The following SLC25A44 variants were observed in gnomAD, a reference collection of about 807,000 sequenced individuals.
SLC25A44 encodes solute carrier family 25 member 44, also known as solute carrier family 25, member 44.
In SLC25A44, 17 loss-of-function variants were observed where a neutral mutation model predicts 29.9. The observed-to-expected ratio is 0.57, with a 90% CI of 0.39 to 0.85. The LOEUF (loss-of-function observed/expected upper bound fraction) is 0.85, where lower values mean the gene tolerates loss of function less well. SLC25A44 is among the 40% of genes least tolerant of loss of function. The pLI is 0.00. For synonymous variants in SLC25A44, 140 were observed against 151.8 expected (o/e 0.92, Z 0.57); for missense variants, 302 against 398.4 (o/e 0.76, Z 2.06).
chr1:156,212,655 G>A lies in SLC25A44; in HGVS notation c.*2224G>A, dbSNP rs929702851. ...CTGGGAGACTGGAAACCTGATTGGA[G>A]CACTGAGGAACAAGGGAATGAAAAG... On this transcript the variant is annotated 3_prime_UTR_variant, in exon 4 of 4. Coordinates refer to ENST00000359511, the MANE Select transcript of SLC25A44 (RefSeq NM_014655.4). 1 of 190,214 alleles carries A rather than the reference G, an allele frequency of 5.3e-6. No homozygotes were observed. Among genetic ancestry groups the A allele is most frequent in the Non-Finnish European group, 1.1e-5 (1 of 88,666 alleles). The allele number at this position is 190,214 out of a possible 1,614,324, so 11.8% of individuals were successfully genotyped here. A position where few individuals can be genotyped will look rare whatever the true frequency, so the allele number is the denominator to read the frequency against.
Position 156,210,719 on chromosome 1 carries a change from T to G in SLC25A44, c.*288T>G. 6.2e-6 allele frequency: 1 copy of G among 160,906 alleles called. No homozygotes were observed. Among genetic ancestry groups the G allele is most frequent in the African/African-American group, 3.1e-5 (1 of 32,524 alleles). The allele number at this position is 160,906 out of a possible 1,614,324, so 10.0% of individuals were successfully genotyped here. On this transcript the variant is annotated 3_prime_UTR_variant, in exon 4 of 4. Coordinates refer to ENST00000359511, the MANE Select transcript of SLC25A44 (RefSeq NM_014655.4). ...ACCCCACCCCCCACCCTGCCAGCCC[T>G]TCTTCTGGCTTCCCCTTCCATCTGT...
chr1:156,197,281 C>T (rs1656268543), intron 1 of SLC25A44: 1 of 152,218 alleles, frequency 6.6e-6, no homozygotes, highest in African/African-American at 2.4e-5. Flanking sequence ...GGAGGGCCAC[C>T]TTTGCCTACA....
chr1:156,207,510 A>G lies in SLC25A44; in HGVS notation c.626-376A>G, dbSNP rs183731952. Among the ~76,000 whole-genome samples the G allele has an allele frequency of 5.1e-4, 77 of 152,142 alleles. 1 individual carries two copies. Among genetic ancestry groups the G allele is most frequent in the African/African-American group, 1.8e-3 (75 of 41,506 alleles). ...AACATTTTTAAAAAAATTAGCTGGGAATGGTAGCACAAGCCTATAGACCCA... is the reference window on the plus strand; with the variant it reads ...AACATTTTTAAAAAAATTAGCTGGGGATGGTAGCACAAGCCTATAGACCCA... On this transcript the variant is annotated intron_variant, in intron 2 of 3. Coordinates refer to ENST00000359511, the MANE Select transcript of SLC25A44 (RefSeq NM_014655.4).
At chr1:156,199,675 G>C in intron 1 of SLC25A44, 160 bp from the exon 2 acceptor site, 2 of 618,656 alleles carry the variant, frequency 3.2e-6, no homozygotes, top group Admixed American at 3.0e-5. Context: ...GAAGACTCAA[G>C]TGGGGATTGA....
intron 2 of SLC25A44, 169 bp from the exon 3 acceptor site, chr1:156,207,717 A>G: frequency 3.1e-6 from 2 of 643,726 alleles, no homozygotes; most frequent in South Asian, 2.2e-5. Context: ...AGGGCCTGAG[A>G]CTTAATAGTT....
intron 3 of SLC25A44, among the ~76,000 whole-genome samples, chr1:156,209,405 G>T (rs1041259532): frequency 1.3e-5 from 2 of 152,184 alleles, no homozygotes; most frequent in African/African-American, 4.8e-5. Flanking sequence ...TGCGGAGGAG[G>T]GTGCTGAAGG....
chr1:156,200,506 TG>T, intron 2 of SLC25A44, 34 bp downstream of exon 2: 1 of 1,549,784 alleles, frequency 6.5e-7, no homozygotes, highest in Admixed American at 1.8e-5. Flanking sequence ...GGGAGGAAGG[TG>T]GGATTTCTAA....
intron 3 of SLC25A44, among the ~76,000 whole-genome samples, chr1:156,209,377 T>A (rs753557616): frequency 3.9e-5 from 6 of 151,964 alleles, no homozygotes; most frequent in Non-Finnish European, 7.4e-5. Flanking sequence ...GAGAGAGTAT[T>A]GGAGAGGAAG....
Position 156,199,854 on chromosome 1 carries a change from G to A in SLC25A44, c.7G>A (p.Asp3Asn). 1 of 1,613,032 alleles carries A rather than the reference G, an allele frequency of 6.2e-7. No individual in the cohort carries two copies. Among genetic ancestry groups the A allele is most frequent in the Non-Finnish European group, 8.5e-7 (1 of 1,179,272 alleles). ME[D>N]KRNIQIIEWE... is the part of the protein sequence containing the mutation. Reference sequence around the variant, plus strand: ...TCCCAGGTCTTCAGGCACCATGGAGGACAAACGCAACATCCAGATCATCGA... The same window carrying A: ...TCCCAGGTCTTCAGGCACCATGGAGAACAAACGCAACATCCAGATCATCGA... The change falls in exon 2 of 4, where the codon GAC becomes AAC. Residue 3 changes from aspartate (D) to asparagine (N), a missense_variant. Asp to Asn is a conservative substitution (Grantham distance 23, BLOSUM62 1). Transcript: ENST00000359511.
rs201646602 is a variant in SLC25A44, at chr1:156,200,482, G to A, written c.625+10G>A. On this transcript the variant is annotated intron_variant, in intron 2 of 3. Transcript: ENST00000359511. ...TATCACTTCTATGCAGGTAAGCAGG[G>A]GCCAGGACAGTGGGGGAGGAAGGTG... 6 of 1,585,404 alleles carry A rather than the reference G, an allele frequency of 3.8e-6. No homozygotes were observed. The African/African-American group carries it at 8.1e-5, about 21-fold the overall frequency.
rs1657303872 is a variant in SLC25A44 at position 156,211,290 on chromosome 1, T to C, written c.*859T>C. On this transcript the variant is annotated 3_prime_UTR_variant, in exon 4 of 4. Coordinates refer to ENST00000359511, the MANE Select transcript of SLC25A44 (RefSeq NM_014655.4). The stretch of plus-strand genomic sequence containing the variant: ...CATCCCCTGGCCCAGAGGACTCCCG[T>C]GGTGGGCACAGTTCTAAGTGGATCA... 1 of 152,804 alleles carries C rather than the reference T, an allele frequency of 6.5e-6. No homozygotes were observed. Among genetic ancestry groups the C allele is most frequent in the Non-Finnish European group, 1.5e-5 (1 of 68,094 alleles). 9.5% of individuals were successfully genotyped at this position (152,804 alleles called of 1,614,324 possible).
intron 2 of SLC25A44, among the ~76,000 whole-genome samples, chr1:156,207,517 G>A (rs575680942): frequency 6.6e-6 from 1 of 152,038 alleles, no homozygotes; most frequent in Non-Finnish European, 1.5e-5. Flanking sequence ...GGGAATGGTA[G>A]CACAAGCCTA....
intron 2 of SLC25A44, among the ~76,000 whole-genome samples, chr1:156,206,373 G>C (rs1385769811): frequency 1.3e-5 from 2 of 152,012 alleles, no homozygotes; most frequent in Non-Finnish European, 2.9e-5. Context: ...GAATAGCTGG[G>C]ATTACAGGTG....
intron 2 of SLC25A44, among the ~76,000 whole-genome samples, chr1:156,204,676 T>C (rs956054561): frequency 6.6e-5 from 10 of 151,854 alleles, no homozygotes; most frequent in African/African-American, 1.9e-4. Context: ...TTAGTAGAGA[T>C]GGGGTTTTAC....
chr1:156,205,926 C>G (rs750125517), intron 2 of SLC25A44, among the ~76,000 whole-genome samples: 1 of 152,160 alleles, frequency 6.6e-6, no homozygotes, highest in Middle Eastern at 3.4e-3. Flanking sequence ...CTTTCACCTC[C>G]AGAGAGAGTA....
rs184015496 is a variant in SLC25A44, at chr1:156,212,284, T to A, written c.*1853T>A. Reference sequence around the variant, plus strand: ...ACCCTAGAGACTCGACTTTAGTCCTTCCCCGCCATGGCACAGTGGGGAAGG... The same window carrying A: ...ACCCTAGAGACTCGACTTTAGTCCTACCCCGCCATGGCACAGTGGGGAAGG... On this transcript the variant is annotated 3_prime_UTR_variant, in exon 4 of 4. Transcript: ENST00000359511. 3.3e-5 allele frequency: 5 copies of A among 152,388 alleles called. No individual in the cohort carries two copies. Among genetic ancestry groups the A allele is most frequent in the African/African-American group, 1.2e-4 (5 of 41,528 alleles). The allele number at this position is 152,388 out of a possible 1,614,324, so 9.4% of individuals were successfully genotyped here.
At position 156,211,168 on chromosome 1, in the gene SLC25A44, C is replaced by G. The variant is rs1357321344; in HGVS notation, c.*737C>G. ...CAATCCTGCTGTCAGAGCTCACCCCCTTCCTAAGACAGGTAGAAAAATGTA... is the reference window on the plus strand; with the variant it reads ...CAATCCTGCTGTCAGAGCTCACCCCGTTCCTAAGACAGGTAGAAAAATGTA... On this transcript the variant is annotated 3_prime_UTR_variant, in exon 4 of 4. Coordinates refer to ENST00000359511, the MANE Select transcript of SLC25A44 (RefSeq NM_014655.4). 1 of 152,730 alleles carries G rather than the reference C, an allele frequency of 6.5e-6. No homozygotes were observed. The highest frequency in any genetic ancestry group is 1.9e-4 in the East Asian group (1 of 5,304). The allele number at this position is 152,730 out of a possible 1,614,324, so 9.5% of individuals were successfully genotyped here. A position where few individuals can be genotyped will look rare whatever the true frequency, so the allele number is the denominator to read the frequency against.
intron 2 of SLC25A44, among the ~76,000 whole-genome samples, chr1:156,205,121 G>A (rs553936385): frequency 5.9e-5 from 9 of 151,648 alleles, no homozygotes; most frequent in Admixed American, 4.6e-4. Flanking sequence ...TTGGCTCACC[G>A]CAACCTCCAC....
At chr1:156,210,166 C>T in intron 3 of SLC25A44, 74 bp from the exon 4 acceptor site, 1 of 1,128,554 alleles carries the variant, frequency 8.9e-7, no homozygotes, top group Non-Finnish European at 1.3e-6. Context: ...CCCACTTTAG[C>T]CTAAGGCAGA....
Sources: gnomAD v4.1 joint callset for allele counts (sites outside exome capture counted in the v4.1 genomes callset) on GRCh38, gnomAD v4.1.1 for gene constraint, MANE v1.5 for transcripts, NCBI Gene and HGNC (gene_info 2026-07-23, HGNC 2026-07-21) for gene names.